The following LILRA2 variants were observed in gnomAD, a reference collection of about 807,000 sequenced individuals.
The protein encoded by LILRA2 is leukocyte immunoglobulin like receptor A2, also known as leukocyte immunoglobulin-like receptor subfamily A member 2.
In LILRA2, 45 loss-of-function variants were observed where a neutral mutation model predicts 47.9. That is an observed-to-expected ratio of 0.94 (90% confidence interval 0.74 to 1.20). The LOEUF is 1.20. Among genes scored for constraint, LILRA2 ranks in the 50% most tolerant of loss-of-function variants. The pLI, the probability that LILRA2 is intolerant of heterozygous loss-of-function variation, is 0.00. For missense variants in LILRA2, 651 were observed against 598.2 expected (o/e 1.09, Z -0.92); for synonymous variants, 279 against 249.2 (o/e 1.12, Z -1.13).
rs2062830124 is a variant in LILRA2 at position 54,586,992 on chromosome 19, C to T, written c.1256-18C>T. On this transcript the variant is annotated intron_variant, in intron 6 of 7. Transcript: ENST00000391738. ...TGAGGCTGGGCTCAGGGCTCTTCTC[C>T]ACTGTTTTGATTCTCAGAAGCAGCT... 1 of 1,604,404 alleles carries T rather than the reference C, an allele frequency of 6.2e-7. No homozygotes were observed. Among genetic ancestry groups the T allele is most frequent in the African/African-American group, 1.3e-5 (1 of 74,696 alleles).
intron 6 of LILRA2, among the ~76,000 whole-genome samples, chr19:54,585,306 C>T (rs1005431930): frequency 6.6e-6 from 1 of 152,214 alleles, no homozygotes; most frequent in Non-Finnish European, 1.5e-5. Flanking sequence ...AGAACCACTG[C>T]TGTCTTCAGG....
chr19:54,582,146 G>C (rs1389363368), intron 6 of LILRA2, among the ~76,000 whole-genome samples: 1 of 152,184 alleles, frequency 6.6e-6, no homozygotes, highest in Non-Finnish European at 1.5e-5. Context: ...TGGTGGGTAA[G>C]CTTTTTGATG....
In LILRA2 at chr19:54,588,763, T is replaced by G. The variant is rs1038800346; in HGVS notation, c.*1417T>G. The G allele has an allele frequency of 5.3e-5, 8 of 151,924 alleles. No homozygotes were observed. The highest frequency in any genetic ancestry group is 1.9e-4 in the African/African-American group (8 of 41,444). 9.4% of individuals were successfully genotyped at this position (151,924 alleles called of 1,614,324 possible). A position where few individuals can be genotyped will look rare whatever the true frequency, so the allele number is the denominator to read the frequency against. On this transcript the variant is annotated 3_prime_UTR_variant, in exon 8 of 8. Coordinates refer to ENST00000391738, the MANE Select transcript of LILRA2 (RefSeq NM_001130917.3). The stretch of plus-strand genomic sequence containing the variant: ...TCACTGCAACCTCCACTTCCCAGGT[T>G]CAAGCAATTCTCCTGCCTCTGCCTC...
chr19:54,578,621 C>A (rs117247663), intron 6 of LILRA2, among the ~76,000 whole-genome samples: 5,334 of 152,226 alleles, frequency 0.035, 120 homozygotes, highest in South Asian at 0.055. Flanking sequence ...GGTTTATAAC[C>A]CTTTGGGTAT....
chr19:54,578,491 T>C (rs2062545533), intron 6 of LILRA2, among the ~76,000 whole-genome samples: 1 of 152,258 alleles, frequency 6.6e-6, no homozygotes, highest in Non-Finnish European at 1.5e-5. Context: ...TTCCATGGTG[T>C]ATATGTGCCA....
intron 6 of LILRA2, chr19:54,577,508 G>C: frequency 7.8e-7 from 1 of 1,289,682 alleles, no homozygotes; most frequent in South Asian, 1.2e-5. Flanking sequence ...CGGGGTCCCT[G>C]GGCCATCTCA....
At position 54,587,459 on chromosome 19, in the gene LILRA2, T is replaced by C; in HGVS notation, c.*113T>C. 1 of 1,477,764 alleles carries C rather than the reference T, an allele frequency of 6.8e-7. No homozygotes were observed. Among genetic ancestry groups the C allele is most frequent in the Non-Finnish European group, 9.1e-7 (1 of 1,097,646 alleles). The allele number at this position is 1,477,764 out of a possible 1,614,324, so 91.5% of individuals were successfully genotyped here. On this transcript the variant is annotated 3_prime_UTR_variant, in exon 8 of 8. Coordinates refer to ENST00000391738, the MANE Select transcript of LILRA2 (RefSeq NM_001130917.3). ...GACCTACATTATCTGGACTGTATGC[T>C]GGTCATTTCTAGAGACAGCAATCAA...
At chr19:54,584,775 T>C (rs189375178) in intron 6 of LILRA2, among the ~76,000 whole-genome samples, 2 of 152,318 alleles carry the variant, frequency 1.3e-5, no homozygotes, top group East Asian at 3.9e-4. Context: ...CCTACTTCCA[T>C]CAACTTGTCA....
chr19:54,574,614 G>C, intron 3 of LILRA2, 32 bp downstream of exon 3: 1 of 1,610,326 alleles, frequency 6.2e-7, no homozygotes, highest in African/African-American at 1.3e-5. Flanking sequence ...CCAGCCCCAG[G>C]CTCTGCCCTC....
At chr19:54,573,699 C>T (rs934040058), upstream of LILRA2, 104 of 1,437,870 alleles carry the variant, frequency 7.2e-5, no homozygotes, top group Non-Finnish European at 8.8e-5. Flanking sequence ...CCACCTCAGC[C>T]CTAAAGGTAT....
rs2062296467 is a variant in LILRA2, at chr19:54,574,485, A to G, written c.255A>G (p.Pro85=). Residue 85 remains proline, a synonymous_variant, in exon 3 of 8, where the codon CCA becomes CCG. Transcript: ENST00000391738. ...GGAAGAATGGCCAGTTCCCCATCCCATCCATCACCTGGGAACACGCAGGGC... is the reference window on the plus strand; with the variant it reads ...GGAAGAATGGCCAGTTCCCCATCCCGTCCATCACCTGGGAACACGCAGGGC... The part of the protein sequence containing the change: ...EPGKNGQFPI[P]SITWEHAGRY... 2.5e-6 allele frequency: 4 copies of G among 1,614,132 alleles called. No individual in the cohort carries two copies. Among genetic ancestry groups the G allele is most frequent in the East Asian group, 2.2e-5 (1 of 44,880 alleles).
intron 4 of LILRA2, 111 bp downstream of exon 4, chr19:54,575,144 G>A: frequency 1.2e-5 from 18 of 1,553,626 alleles, no homozygotes; most frequent in Non-Finnish European, 1.5e-5. Context: ...GTTGGGGCGA[G>A]AGGGCTCAGG....
In LILRA2 at chr19:54,574,351, C is replaced by T. The variant is rs1470729988; in HGVS notation, c.121C>T (p.Gln41Ter). Residue 41 changes from glutamine to a stop codon, truncating the protein, a stop_gained, in exon 3 of 8, where the codon CAG (glutamine) becomes TAG (stop). Coordinates refer to ENST00000391738, the MANE Select transcript of LILRA2 (RefSeq NM_001130917.3). LOFTEE classifies it high-confidence loss of function. The stretch of plus-strand genomic sequence containing the variant: ...GGCTGAGCCAGGCTCTGTGATCATC[C>T]AGGGAAGTCCTGTGACCCTCAGGTG... ...LWAEPGSVIIQGSPVTLRCQG... is the reference protein window; with the variant it reads ...LWAEPGSVII 5 of 1,613,828 alleles carry T rather than the reference C, an allele frequency of 3.1e-6. No individual in the cohort carries two copies. Among genetic ancestry groups the T allele is most frequent in the East Asian group, 2.2e-5 (1 of 44,884 alleles).
At chr19:54,583,237 G>C (rs1002854464) in intron 6 of LILRA2, among the ~76,000 whole-genome samples, 4 of 152,194 alleles carry the variant, frequency 2.6e-5, no homozygotes, top group African/African-American at 9.7e-5. Context: ...GTGATGCTGA[G>C]AAGAATGTGT....
At chr19:54,584,187 C>T (rs1004631464) in intron 6 of LILRA2, among the ~76,000 whole-genome samples, 1 of 152,178 alleles carries the variant, frequency 6.6e-6, no homozygotes, top group Admixed American at 6.5e-5. Context: ...AGACCTTTCT[C>T]TCTGGCTGCC....
At chr19:54,584,569 A>G (rs1298475937) in intron 6 of LILRA2, among the ~76,000 whole-genome samples, 1 of 152,036 alleles carries the variant, frequency 6.6e-6, no homozygotes, top group East Asian at 1.9e-4. Context: ...CGAATCAGCT[A>G]TTGAAGCTTG....
rs1255361020 is a variant in LILRA2 at position 54,588,869 on chromosome 19, T to C, written c.*1523T>C. On this transcript the variant is annotated 3_prime_UTR_variant, in exon 8 of 8. Coordinates refer to ENST00000391738, the MANE Select transcript of LILRA2 (RefSeq NM_001130917.3). ...TAGTAGAGACGGGGGTCTCGCCATGTTAGTGAGGCTGGTCTTGAACTCCTG... is the reference window on the plus strand; with the variant it reads ...TAGTAGAGACGGGGGTCTCGCCATGCTAGTGAGGCTGGTCTTGAACTCCTG... 1 of 151,972 alleles carries C rather than the reference T, an allele frequency of 6.6e-6. No homozygotes were observed. The highest frequency in any genetic ancestry group is 2.0e-4 in the East Asian group (1 of 5,096). 9.4% of individuals were successfully genotyped at this position (151,972 alleles called of 1,614,324 possible). A position where few individuals can be genotyped will look rare whatever the true frequency, so the allele number is the denominator to read the frequency against.
In LILRA2 at chr19:54,575,165, C is replaced by G. The variant is rs2062356603; in HGVS notation, c.656-91C>G. On this transcript the variant is annotated intron_variant, in intron 4 of 7. Coordinates refer to ENST00000391738, the MANE Select transcript of LILRA2 (RefSeq NM_001130917.3). Reference sequence around the variant, plus strand: ...GCGAGAGGGCTCAGGGCTCCTGGGGCCGGAGACACAGGAAGATCAGCGGGG... The same window carrying G: ...GCGAGAGGGCTCAGGGCTCCTGGGGGCGGAGACACAGGAAGATCAGCGGGG... The G allele has an allele frequency of 1.9e-6, 3 of 1,549,620 alleles. No individual in the cohort carries two copies. In the Admixed American group the frequency reaches 5.7e-5, roughly 29 times the overall value.
chr19:54,588,791 G>A lies in LILRA2; in HGVS notation c.*1445G>A, dbSNP rs181547100. On this transcript the variant is annotated 3_prime_UTR_variant, in exon 8 of 8. Transcript: ENST00000391738. ...AGCAATTCTCCTGCCTCTGCCTCCC[G>A]AGTTACTGGACTACAGGTGTGCACC... 5 of 151,334 alleles carry A rather than the reference G, an allele frequency of 3.3e-5. No individual in the cohort carries two copies. Among genetic ancestry groups the A allele is most frequent in the African/African-American group, 4.8e-5 (2 of 41,362 alleles). 9.4% of individuals were successfully genotyped at this position (151,334 alleles called of 1,614,324 possible).
Sources: allele counts gnomAD v4.1 joint callset (sites outside exome capture counted in the v4.1 genomes callset), GRCh38; gene constraint gnomAD v4.1.1; transcripts MANE v1.5; gene names NCBI Gene and HGNC (gene_info 2026-07-23, HGNC 2026-07-21).